The following ZNF618 variants were observed in gnomAD, a reference collection of about 807,000 sequenced individuals.
The protein encoded by ZNF618 is neural precursor cell expressed, developmentally down-regulated 10.
Under a neutral mutation model 103.0 loss-of-function variants are expected in ZNF618, and 34 were observed. The observed-to-expected ratio is 0.33, with a 90% CI of 0.25 to 0.44. The LOEUF is 0.44. ZNF618 is among the 20% of genes least tolerant of loss of function. The pLI, the probability that ZNF618 is intolerant of heterozygous loss-of-function variation, is 1.00. For missense variants in ZNF618, 1,059 were observed against 1,295.4 expected, an observed-to-expected ratio of 0.82 and a Z score of 2.80; for synonymous variants, 551 against 542.2, an observed-to-expected ratio of 1.02 and a Z score of -0.23.
At chr9:113,927,228 G>A (rs1349137363) in intron 1 of ZNF618, among the ~76,000 whole-genome samples, 2 of 152,282 alleles carry the variant, frequency 1.3e-5, no homozygotes, top group East Asian at 3.9e-4. Context: ...TTAGGTAAAA[G>A]GAACTGAGGT....
At chr9:113,968,798 G>T (rs764977149) in intron 1 of ZNF618, among the ~76,000 whole-genome samples, 3 of 152,176 alleles carry the variant, frequency 2.0e-5, no homozygotes, top group Non-Finnish European at 4.4e-5. Context: ...AATAAAAATG[G>T]TGCAATTCAA....
At chr9:113,914,549 C>T (rs10817531) in intron 1 of ZNF618, among the ~76,000 whole-genome samples, 87,133 of 152,072 alleles carry the variant, frequency 0.57, 25,318 homozygotes, top group East Asian at 0.68. Flanking sequence ...GTTGACCTTT[C>T]CAAAAGATTT....
At chr9:113,906,244 G>T (rs1830978592) in intron 1 of ZNF618, among the ~76,000 whole-genome samples, 2 of 152,234 alleles carry the variant, frequency 1.3e-5, no homozygotes, top group South Asian at 4.2e-4. Flanking sequence ...ATTTCTGAGG[G>T]TCTCATTCTC....
chr9:113,882,747 C>T (rs79541208), intron 1 of ZNF618, among the ~76,000 whole-genome samples: 2 of 152,292 alleles, frequency 1.3e-5, no homozygotes, highest in East Asian at 1.9e-4. Context: ...ATCTCAATCG[C>T]GGGTGGACCT....
intron 1 of ZNF618, among the ~76,000 whole-genome samples, chr9:113,935,106 A>G (rs1833920413): frequency 6.6e-6 from 1 of 152,200 alleles, no homozygotes; most frequent in Admixed American, 6.5e-5. Context: ...GCCTGGCTGA[A>G]GCCCCTGGGC....
chr9:113,977,180 A>G (rs995648896), intron 2 of ZNF618, among the ~76,000 whole-genome samples: 2 of 152,088 alleles, frequency 1.3e-5, no homozygotes, highest in Non-Finnish European at 2.9e-5. Flanking sequence ...GGACAGCACC[A>G]TGGAGAGATA....
chr9:113,999,362 TGA>T (rs1463992814), intron 4 of ZNF618, among the ~76,000 whole-genome samples: 3 of 151,910 alleles, frequency 2.0e-5, no homozygotes, highest in Non-Finnish European at 2.9e-5. Flanking sequence ...GGCTTTAGGC[TGA>T]GCGAGGCGCA....
chr9:113,912,422 G>C (rs1831638050), intron 1 of ZNF618, among the ~76,000 whole-genome samples: 1 of 152,194 alleles, frequency 6.6e-6, no homozygotes, highest in Admixed American at 6.5e-5. Context: ...GTAAGAGCCA[G>C]TTTAGGAAAG....
At chr9:113,992,656 G>A (rs920744996) in intron 3 of ZNF618, among the ~76,000 whole-genome samples, 1 of 152,034 alleles carries the variant, frequency 6.6e-6, no homozygotes, top group African/African-American at 2.4e-5. Flanking sequence ...GAGTGTTCCT[G>A]TTCAGTCACC....
chr9:113,983,656 A>G (rs1028522038), intron 2 of ZNF618, among the ~76,000 whole-genome samples: 1 of 152,210 alleles, frequency 6.6e-6, no homozygotes, highest in Non-Finnish European at 1.5e-5. Flanking sequence ...CATGGGAAAA[A>G]GACATTCCCC....
In ZNF618 at chr9:113,883,863, C is replaced by T. The variant is rs146957635; in HGVS notation, c.33+7450C>T. On this transcript the variant is annotated intron_variant, in intron 1 of 14. Transcript: ENST00000374126. ...TCTTCTCCAAAAGCTGTTATAAAAT[C>T]GATGGTGCATCTATCAGTTGAAAGC... Among the ~76,000 whole-genome samples, 930 of 151,316 alleles carry T rather than the reference C, an allele frequency of 6.1e-3. 5 individuals are homozygous for T. The highest frequency in any genetic ancestry group is 9.3e-3 in the Non-Finnish European group (635 of 67,922).
At chr9:113,922,975 T>C (rs1401738892) in intron 1 of ZNF618, among the ~76,000 whole-genome samples, 2 of 152,224 alleles carry the variant, frequency 1.3e-5, no homozygotes, top group Non-Finnish European at 2.9e-5. Flanking sequence ...CTTTGATTTT[T>C]TTCATCAGAG....
chr9:113,898,598 T>C (rs993055938), intron 1 of ZNF618, among the ~76,000 whole-genome samples: 1 of 152,062 alleles, frequency 6.6e-6, no homozygotes, highest in Non-Finnish European at 1.5e-5. Flanking sequence ...AGCTAATTTT[T>C]AAATTTTTTG....
At chr9:114,037,720 A>G (rs1457974376) in intron 13 of ZNF618, among the ~76,000 whole-genome samples, 2 of 152,232 alleles carry the variant, frequency 1.3e-5, no homozygotes, top group Non-Finnish European at 2.9e-5. Context: ...TAGGCTAAGT[A>G]CTGTTCTGTT....
chr9:114,022,454 C>T (rs1843151635), intron 10 of ZNF618, among the ~76,000 whole-genome samples: 1 of 151,852 alleles, frequency 6.6e-6, no homozygotes, highest in Non-Finnish European at 1.5e-5. Flanking sequence ...TGGGAATTAT[C>T]CAGATTTTTT....
intron 1 of ZNF618, among the ~76,000 whole-genome samples, chr9:113,944,545 T>C (rs774254853): frequency 1.3e-5 from 2 of 152,224 alleles, no homozygotes; most frequent in Non-Finnish European, 2.9e-5. Flanking sequence ...CTCAATGTGC[T>C]GGGATTACAG....
chr9:114,008,665 C>T, intron 9 of ZNF618, 111 bp downstream of exon 9: 1 of 1,280,772 alleles, frequency 7.8e-7, no homozygotes, highest in Non-Finnish European at 1.1e-6. Context: ...CACTTAACTG[C>T]AGCAATGGTG....
At chr9:113,944,435 C>T (rs1834823032) in intron 1 of ZNF618, among the ~76,000 whole-genome samples, 1 of 152,158 alleles carries the variant, frequency 6.6e-6, no homozygotes, top group Non-Finnish European at 1.5e-5. Flanking sequence ...TACCACCACA[C>T]CCAGCTAAAT....
At position 113,942,497 on chromosome 9, in the gene ZNF618, T is replaced by C. The variant is rs1355713524; in HGVS notation, c.34-26620T>C. Among the ~76,000 whole-genome samples, 3 of 152,202 alleles carry C rather than the reference T, an allele frequency of 2.0e-5. No individual in the cohort carries two copies. The East Asian group carries it at 5.8e-4, about 29-fold the overall frequency. On this transcript the variant is annotated intron_variant, in intron 1 of 14. Transcript: ENST00000374126. ...AATGAAAAGGTAGATGTCTTTGAGC[T>C]TGATCTATATCTGGCATGCCCTCCA...
Sources: allele counts gnomAD v4.1 joint callset (sites outside exome capture counted in the v4.1 genomes callset), GRCh38; gene constraint gnomAD v4.1.1; transcripts MANE v1.5; gene names NCBI Gene and HGNC (gene_info 2026-07-23, HGNC 2026-07-21).